HERC1: variants seen among roughly 807,000 people sequenced by gnomAD.
The protein encoded by HERC1 is probable E3 ubiquitin-protein ligase HERC1.
HERC1 carries 160 observed loss-of-function variants against 554.3 expected under a neutral mutation model. The ratio of observed to expected loss-of-function variants is 0.29; its 90% CI spans 0.25 to 0.33. The LOEUF (loss-of-function observed/expected upper bound fraction) is 0.33, where lower values mean the gene tolerates loss of function less well. Among genes scored for constraint, HERC1 ranks in the 10% least tolerant of loss-of-function variants. The pLI, the probability that HERC1 is intolerant of heterozygous loss-of-function variation, is 1.00. For synonymous variants in HERC1, 2,175 were observed against 2,131.7 expected (o/e 1.02, Z -0.56); for missense variants, 4,919 against 5,918.5 (o/e 0.83, Z 5.54).
chr15:63,732,891 T>C lies in HERC1; in HGVS notation c.2868+33A>G, dbSNP rs769326377. On this transcript the variant is annotated intron_variant, in intron 14 of 77. Transcript: ENST00000443617. Reference sequence around the variant, plus strand: ...GACTAAAGAGATCCCTACCCCTTTATTCTTTTTTTACTACAATGAAAGAAC... The same window carrying C: ...GACTAAAGAGATCCCTACCCCTTTACTCTTTTTTTACTACAATGAAAGAAC... The C allele has an allele frequency of 2.1e-6, 3 of 1,403,034 alleles. No homozygotes were observed. In the South Asian group the frequency reaches 3.5e-5, roughly 17 times the overall value. 86.9% of individuals were successfully genotyped at this position (1,403,034 alleles called of 1,614,324 possible).
intron 71 of HERC1, among the ~76,000 whole-genome samples, chr15:63,625,572 T>C (rs2068266887): frequency 6.6e-6 from 1 of 151,398 alleles, no homozygotes. Flanking sequence ...CCCAGGCCTG[T>C]AATCTCAGCT....
chr15:63,709,287 G>C (rs1432587226), intron 24 of HERC1, among the ~76,000 whole-genome samples: 4 of 152,106 alleles, frequency 2.6e-5, no homozygotes, highest in Non-Finnish European at 2.9e-5. Context: ...TGGGGTTACA[G>C]GCATGAGCCA....
Position 63,754,492 on chromosome 15 carries a change from A to AT in HERC1, c.1774+12dup. The AT allele has an allele frequency of 6.4e-7, 1 of 1,554,282 alleles. No homozygotes were observed. Among genetic ancestry groups the AT allele is most frequent in the Non-Finnish European group, 8.7e-7 (1 of 1,153,912 alleles). On this transcript the variant is annotated intron_variant, in intron 7 of 77. Transcript: ENST00000443617. ...AAAAAGCCAAAGCTACTGATAAATA[A>AT]TTTTTTACATACCATTGTCTCCTCC...
chr15:63,778,091 C>T (rs957489206), intron 1 of HERC1, among the ~76,000 whole-genome samples: 1 of 152,130 alleles, frequency 6.6e-6, no homozygotes, highest in Non-Finnish European at 1.5e-5. Context: ...CCAAACCACA[C>T]CTGTAGCATA....
intron 39 of HERC1, among the ~76,000 whole-genome samples, chr15:63,671,705 C>A (rs542597700): frequency 3.9e-5 from 6 of 152,238 alleles, no homozygotes; most frequent in African/African-American, 1.2e-4. Context: ...GCCTTGGGCA[C>A]ACCAAAAATT....
At chr15:63,637,416 G>T in intron 64 of HERC1, 89 bp downstream of exon 64, 3 of 1,082,100 alleles carry the variant, frequency 2.8e-6, no homozygotes, top group Non-Finnish European at 4.0e-6. Flanking sequence ...ATTTTATCTA[G>T]CAAAGGTTTG....
At chr15:63,709,784 A>C (rs1315252253) in intron 24 of HERC1, among the ~76,000 whole-genome samples, 1 of 152,240 alleles carries the variant, frequency 6.6e-6, no homozygotes, top group African/African-American at 2.4e-5. Flanking sequence ...AAAAAATCCT[A>C]GATTTCTAGT....
intron 1 of HERC1, among the ~76,000 whole-genome samples, chr15:63,821,726 CAAAAAAA>C (rs35074987): frequency 3.2e-5 from 2 of 62,478 alleles, no homozygotes; most frequent in African/African-American, 1.4e-4. Context: ...TACCCTGTCT[CAAAAAAA>C]AAAAAAAAAA....
chr15:63,691,733 T>C (rs2153042364), intron 31 of HERC1, among the ~76,000 whole-genome samples: 1 of 152,294 alleles, frequency 6.6e-6, no homozygotes, highest in South Asian at 2.1e-4. Flanking sequence ...CCGTAGAGGA[T>C]TACATTATGT....
chr15:63,773,423 G>T (rs2142981428), intron 2 of HERC1, among the ~76,000 whole-genome samples: 1 of 129,074 alleles, frequency 7.7e-6, no homozygotes, highest in Non-Finnish European at 1.6e-5. Context: ...CCGCCTGGGT[G>T]ACAAGAGCTA....
At chr15:63,764,416 A>G (rs538035673) in intron 2 of HERC1, among the ~76,000 whole-genome samples, 119 of 152,306 alleles carry the variant, frequency 7.8e-4, no homozygotes, top group South Asian at 4.8e-3. Flanking sequence ...CCAATCCCTC[A>G]CTGATTACCT....
chr15:63,646,114 T>C (rs2069325617), intron 55 of HERC1, among the ~76,000 whole-genome samples: 1 of 152,250 alleles, frequency 6.6e-6, no homozygotes, highest in South Asian at 2.1e-4. Context: ...TGTGTTTATA[T>C]GGCTGTGATC....
intron 24 of HERC1, among the ~76,000 whole-genome samples, chr15:63,711,708 C>A (rs1322174234): frequency 6.6e-6 from 1 of 152,164 alleles, no homozygotes; most frequent in Non-Finnish European, 1.5e-5. Flanking sequence ...CCATCTCAAA[C>A]GCTAGCATTT....
rs2074174611 is a variant in HERC1, at chr15:63,729,249, T to C, written c.3141A>G (p.Gly1047=). Reference sequence around the variant, plus strand: ...TACCAAACTCACCTCTTAATTTTTCTCCAACACTGCCATTCCAAGGACTTT... The same window carrying C: ...TACCAAACTCACCTCTTAATTTTTCCCCAACACTGCCATTCCAAGGACTTT... The part of the protein sequence containing the change: ...LKESPWNGSV[G]EKLRDVIYVS... Residue 1047 remains glycine, a synonymous_variant, in exon 16 of 78, where the codon GGA becomes GGG. Coordinates refer to ENST00000443617, the MANE Select transcript of HERC1 (RefSeq NM_003922.4). 3.1e-6 allele frequency: 5 copies of C among 1,599,354 alleles called. No homozygotes were observed. The highest frequency in any genetic ancestry group is 4.3e-6 in the Non-Finnish European group (5 of 1,176,072).
chr15:63,790,313 T>C (rs1215683605), intron 1 of HERC1, among the ~76,000 whole-genome samples: 4 of 152,178 alleles, frequency 2.6e-5, no homozygotes, highest in Non-Finnish European at 5.9e-5. Context: ...GCGCGGTGGC[T>C]CATGCCTGTA....
chr15:63,618,425 G>A (rs1272859072), intron 74 of HERC1, among the ~76,000 whole-genome samples: 2 of 152,020 alleles, frequency 1.3e-5, no homozygotes, highest in Non-Finnish European at 2.9e-5. Context: ...ATAGTTTGAA[G>A]TCAGGTAGTG....
chr15:63,680,752 C>T lies in HERC1; in HGVS notation c.6250G>A (p.Gly2084Ser), dbSNP rs1301467485. ...ACTCCAACACACGTGCCTTCATTAC[C>T]TCTGTTTTCCTTCACAATATAAAAC... ...WKFYIVKENR[G>S]NEGTCVGVSR... The change falls in exon 35 of 78, where the codon GGT becomes AGT. Residue 2084 changes from glycine to serine, a missense_variant. Gly to Ser is a moderately conservative substitution (Grantham distance 56). This residue lies in a region of HERC1 where 85 missense variants were observed against 163.2 expected (regional missense o/e 0.52). Coordinates refer to ENST00000443617, the MANE Select transcript of HERC1 (RefSeq NM_003922.4). The surrounding 1 kb of genome is among the most constrained non-coding windows in gnomAD (Gnocchi z 5.8). 1.2e-6 allele frequency: 2 copies of T among 1,611,478 alleles called. No homozygotes were observed. The highest frequency in any genetic ancestry group is 2.2e-5 in the East Asian group (1 of 44,872).
intron 40 of HERC1, among the ~76,000 whole-genome samples, chr15:63,666,995 GC>G (rs1294289103): frequency 6.6e-6 from 1 of 152,110 alleles, no homozygotes; most frequent in African/African-American, 2.4e-5. Context: ...GATTAAAATG[GC>G]CCCAAGCATA....
At chr15:63,616,306 T>C (rs1364754022) in intron 75 of HERC1, 124 bp downstream of exon 75, 32 of 1,022,602 alleles carry the variant, frequency 3.1e-5, no homozygotes, top group Non-Finnish European at 4.2e-5. Context: ...AGCAATGGCA[T>C]AGATATGGCA....
Sources: allele counts gnomAD v4.1 joint callset (sites outside exome capture counted in the v4.1 genomes callset), GRCh38; gene constraint gnomAD v4.1.1; regional missense constraint gnomAD v4.1.1; non-coding constraint Gnocchi (gnomAD v3.1); transcripts MANE v1.5; gene names NCBI Gene and HGNC (gene_info 2026-07-23, HGNC 2026-07-21).